The following RARB variants were observed in gnomAD, a reference collection of about 807,000 sequenced individuals.
RARB encodes HBV-activated protein.
Under a neutral mutation model 51.9 loss-of-function variants are expected in RARB, and 17 were observed. That is an observed-to-expected ratio of 0.33 (90% confidence interval 0.22 to 0.49). The LOEUF (loss-of-function observed/expected upper bound fraction) is 0.49, where lower values mean the gene tolerates loss of function less well. Ranked by LOEUF, RARB falls within the 20% of genes least tolerant of loss-of-function variation. The pLI is 0.99. For missense variants in RARB, 369 were observed against 550.8 expected, an observed-to-expected ratio of 0.67 and a Z score of 3.30; for synonymous variants, 215 against 195.4, an observed-to-expected ratio of 1.10 and a Z score of -0.84.
chr3:25,360,225 T>C (rs1431394457), intron 5 of RARB, among the ~76,000 whole-genome samples: 1 of 152,218 alleles, frequency 6.6e-6, no homozygotes, highest in Non-Finnish European at 1.5e-5. Context: ...TTTACCATTA[T>C]GTAATGGCCT....
chr3:24,937,821 TTAAAAA>T (rs1228243057), intron 2 of RARB, among the ~76,000 whole-genome samples: 19 of 152,272 alleles, frequency 1.2e-4, no homozygotes, highest in African/African-American at 3.4e-4. Context: ...GGGCGACACT[TTAAAAA>T]TAAAGAGATT....
chr3:25,225,796 A>T (rs926780808), intron 5 of RARB, among the ~76,000 whole-genome samples: 1 of 152,170 alleles, frequency 6.6e-6, no homozygotes, highest in Non-Finnish European at 1.5e-5. Flanking sequence ...AGGTTATTTT[A>T]ATTTGCTTAA....
chr3:25,488,526 C>T (rs1043177210), intron 2 of RARB, among the ~76,000 whole-genome samples: 2 of 132,030 alleles, frequency 1.5e-5, no homozygotes. Flanking sequence ...GGCTGAAACA[C>T]CCCCAAAGCT....
intron 2 of RARB, among the ~76,000 whole-genome samples, chr3:25,014,924 A>G (rs1172000241): frequency 5.3e-5 from 8 of 152,052 alleles, no homozygotes; most frequent in East Asian, 1.9e-4. Context: ...TTCTGTTTCT[A>G]TTTGTCTTTA....
chr3:25,151,972 A>G (rs1700294303), intron 4 of RARB, among the ~76,000 whole-genome samples: 1 of 152,168 alleles, frequency 6.6e-6, no homozygotes, highest in Admixed American at 6.5e-5. Flanking sequence ...GAGCAGAGGG[A>G]AAATGACATT....
At chr3:25,180,746 G>A (rs1700844704) in intron 5 of RARB, among the ~76,000 whole-genome samples, 1 of 152,170 alleles carries the variant, frequency 6.6e-6, no homozygotes, top group Non-Finnish European at 1.5e-5. Context: ...TTATGTAGAA[G>A]GAGAGGGTAG....
At chr3:25,385,855 C>T (rs999098942) in intron 5 of RARB, among the ~76,000 whole-genome samples, 2 of 152,076 alleles carry the variant, frequency 1.3e-5, no homozygotes, top group South Asian at 2.1e-4. Flanking sequence ...TAGGCAAGCA[C>T]GTGACCTAAG....
chr3:24,936,072 G>T (rs1021510476), intron 2 of RARB, among the ~76,000 whole-genome samples: 5 of 152,052 alleles, frequency 3.3e-5, no homozygotes, highest in African/African-American at 1.2e-4. Flanking sequence ...TACCTTTTTA[G>T]GAAAGCCTCA....
At chr3:25,571,143 A>C (rs1177618053) in intron 4 of RARB, among the ~76,000 whole-genome samples, 1 of 152,236 alleles carries the variant, frequency 6.6e-6, no homozygotes, top group African/African-American at 2.4e-5. Context: ...GTTGGGTGGC[A>C]CCAGCTTCTG....
chr3:25,238,087 A>G (rs1043192190), intron 5 of RARB, among the ~76,000 whole-genome samples: 1 of 152,020 alleles, frequency 6.6e-6, no homozygotes, highest in Non-Finnish European at 1.5e-5. Context: ...AAACATTAGA[A>G]TTTATTCCTT....
At chr3:25,451,596 G>C (rs558288437) in intron 1 of RARB, among the ~76,000 whole-genome samples, 11 of 152,282 alleles carry the variant, frequency 7.2e-5, no homozygotes, top group African/African-American at 2.6e-4. Flanking sequence ...AGAAAAAGAG[G>C]GTTTTGGCTA....
At chr3:25,126,506 G>A (rs1464748343) in intron 3 of RARB, among the ~76,000 whole-genome samples, 2 of 151,462 alleles carry the variant, frequency 1.3e-5, no homozygotes, top group Admixed American at 6.6e-5. Context: ...TTCTTAAAAC[G>A]AAGGATACGC....
chr3:24,917,317 C>T (rs908593667), intron 2 of RARB, among the ~76,000 whole-genome samples: 26 of 152,192 alleles, frequency 1.7e-4, no homozygotes, highest in African/African-American at 6.0e-4. Flanking sequence ...AAAACTGATA[C>T]ATTGACTAAA....
At chr3:25,106,473 G>GTTTTTGTTTTTGT (rs1559468602) in intron 3 of RARB, among the ~76,000 whole-genome samples, 1 of 111,688 alleles carries the variant, frequency 9.0e-6, no homozygotes, top group African/African-American at 3.7e-5. Flanking sequence ...TTTTTGTTTT[G>GTTTTTGTTTTTGT]TTTTTTTTTT....
intron 2 of RARB, among the ~76,000 whole-genome samples, chr3:24,984,742 T>A (rs1696751001): frequency 7.4e-6 from 1 of 135,534 alleles, no homozygotes; most frequent in South Asian, 2.6e-4. Context: ...GTATTTTAGA[T>A]GTTATATGCA....
At chr3:25,570,212 C>T (rs762574140) in intron 4 of RARB, among the ~76,000 whole-genome samples, 14 of 152,246 alleles carry the variant, frequency 9.2e-5, no homozygotes, top group Non-Finnish European at 1.9e-4. Context: ...AGGCTGTGTT[C>T]TAAGCCCTGG....
chr3:25,024,033 A>G (rs1040135121), intron 2 of RARB, among the ~76,000 whole-genome samples: 2 of 152,150 alleles, frequency 1.3e-5, no homozygotes, highest in Admixed American at 6.5e-5. Flanking sequence ...CTGGGCTTAG[A>G]TAATCCCTAG....
At chr3:25,332,507 G>T (rs759650430) in intron 5 of RARB, among the ~76,000 whole-genome samples, 1 of 152,116 alleles carries the variant, frequency 6.6e-6, no homozygotes, top group African/African-American at 2.4e-5. Context: ...AATAAACTAG[G>T]TATTGATGGG....
At chr3:25,210,186 G>A (rs1365920839) in intron 5 of RARB, among the ~76,000 whole-genome samples, 1 of 152,146 alleles carries the variant, frequency 6.6e-6, no homozygotes, top group Non-Finnish European at 1.5e-5. Context: ...AAGTAACAAA[G>A]CTAGGCATGG....
Sources: gnomAD v4.1 joint callset for allele counts (sites outside exome capture counted in the v4.1 genomes callset) on GRCh38, gnomAD v4.1.1 for gene constraint, MANE v1.5 for transcripts, NCBI Gene and HGNC (gene_info 2026-07-23, HGNC 2026-07-21) for gene names.